Variants in POLR3B observed in about 807,000 individuals in gnomAD.
POLR3B encodes the protein RNA polymerase III subunit B, also known as DNA-directed RNA polymerase III subunit RPC2.
A neutral mutation model predicts 147.4 loss-of-function variants in POLR3B; 96 were observed. The ratio of observed to expected loss-of-function variants is 0.65; its 90% CI spans 0.55 to 0.77. The LOEUF is 0.77. Among genes scored for constraint, POLR3B ranks in the 30% least tolerant of loss-of-function variants. The pLI is 0.00. For synonymous variants in POLR3B, 461 were observed against 485.9 expected (o/e 0.95, Z 0.67); for missense variants, 1,036 against 1,413.5 (o/e 0.73, Z 4.28).
intron 2 of POLR3B, 32 bp downstream of exon 2, chr12:106,363,934 A>T: frequency 6.7e-7 from 1 of 1,495,624 alleles, no homozygotes; most frequent in Non-Finnish European, 9.3e-7. Flanking sequence ...ATAATTGGTT[A>T]TTTTTCAGAT....
intron 7 of POLR3B, 71 bp from the exon 8 acceptor site, chr12:106,378,196 A>G (rs1189002238): frequency 1.3e-5 from 12 of 920,434 alleles, no homozygotes; most frequent in Non-Finnish European, 2.2e-5. Flanking sequence ...GATTCACAAG[A>G]TTCCTGCCAT....
chr12:106,435,086 C>A (rs1231941460), intron 16 of POLR3B, among the ~76,000 whole-genome samples: 1 of 152,066 alleles, frequency 6.6e-6, no homozygotes, highest in African/African-American at 2.4e-5. Context: ...CTTTCTGAGG[C>A]TGAGCATTTC....
At chr12:106,370,776 C>T (rs59744557) in intron 6 of POLR3B, among the ~76,000 whole-genome samples, 159 of 151,822 alleles carry the variant, frequency 1.0e-3, no homozygotes, top group African/African-American at 3.5e-3. Context: ...GGATTATAGG[C>T]GTGTGCCACC....
intron 16 of POLR3B, among the ~76,000 whole-genome samples, chr12:106,434,594 A>G (rs1478534050): frequency 1.3e-5 from 2 of 151,898 alleles, no homozygotes; most frequent in Non-Finnish European, 2.9e-5. Context: ...CGAATGTGAC[A>G]TGGTGTCTGG....
rs377492248 is a variant in POLR3B, at chr12:106,509,587, C to A, written c.*38C>A. On this transcript the variant is annotated 3_prime_UTR_variant, in exon 28 of 28. Coordinates refer to ENST00000228347, the MANE Select transcript of POLR3B (RefSeq NM_018082.6). The stretch of plus-strand genomic sequence containing the variant: ...TGATTATTAAAGAGAACAAGTGATA[C>A]ATCCAATGCAACGGAAAGCAGAAGG... The A allele has an allele frequency of 8.3e-6, 13 of 1,574,232 alleles. No individual in the cohort carries two copies. The highest frequency in any genetic ancestry group is 1.1e-5 in the Non-Finnish European group (13 of 1,146,406).
At chr12:106,475,435 C>G (rs1409082058) in intron 23 of POLR3B, among the ~76,000 whole-genome samples, 1 of 102,794 alleles carries the variant, frequency 9.7e-6, no homozygotes, top group Non-Finnish European at 1.9e-5. Context: ...GACTTTCTGT[C>G]TCATTGATCT....
chr12:106,400,420 A>T (rs1274665900), intron 10 of POLR3B, among the ~76,000 whole-genome samples: 1 of 152,222 alleles, frequency 6.6e-6, no homozygotes, highest in Non-Finnish European at 1.5e-5. Context: ...CATTAGACAG[A>T]TCAACGAGAC....
At chr12:106,496,292 A>G in intron 24 of POLR3B, 134 bp downstream of exon 24, 1 of 723,472 alleles carries the variant, frequency 1.4e-6, no homozygotes, top group South Asian at 1.4e-5. Flanking sequence ...CCCTTGCCAG[A>G]TAAACAGGCT....
intron 9 of POLR3B, among the ~76,000 whole-genome samples, chr12:106,391,653 A>G (rs1479889658): frequency 6.6e-6 from 1 of 152,216 alleles, no homozygotes; most frequent in Non-Finnish European, 1.5e-5. Flanking sequence ...CATTTATGCA[A>G]ATGAGAAAAC....
At chr12:106,402,237 G>A (rs1362512818) in intron 10 of POLR3B, among the ~76,000 whole-genome samples, 1 of 151,914 alleles carries the variant, frequency 6.6e-6, no homozygotes, top group African/African-American at 2.4e-5. Context: ...AAAATACCTA[G>A]GAATCCAACT....
chr12:106,391,328 TCCTTCAAAGTCATCATACGTGCCA>T (rs1177767717), intron 9 of POLR3B, among the ~76,000 whole-genome samples: 2 of 152,168 alleles, frequency 1.3e-5, no homozygotes, highest in African/African-American at 4.8e-5. Flanking sequence ...TTATGACCAG[TCCTTCAAAGTCATCATACGTGCCA>T]CCTTCACATT....
intron 12 of POLR3B, among the ~76,000 whole-genome samples, chr12:106,418,481 A>G (rs1488995242): frequency 6.6e-6 from 1 of 152,192 alleles, no homozygotes; most frequent in Non-Finnish European, 1.5e-5. Flanking sequence ...AGAATTTGGC[A>G]CTCTGTAGGC....
In POLR3B at chr12:106,501,326, G is replaced by T; in HGVS notation, c.2988G>T (p.Glu996Asp). 2 of 1,594,078 alleles carry T rather than the reference G, an allele frequency of 1.3e-6. No homozygotes were observed. The highest frequency in any genetic ancestry group is 1.7e-6 in the Non-Finnish European group (2 of 1,161,724). The part of the protein sequence containing the change: ...KDYVTSGITG[E>D]PLEAYIYFGP... Reference sequence around the variant, plus strand: ...CAACAATTGATCTTTCTTTCAGTGAGCCCTTAGAAGCATACATCTATTTTG... The same window carrying T: ...CAACAATTGATCTTTCTTTCAGTGATCCCTTAGAAGCATACATCTATTTTG... The change falls in exon 26 of 28, where the codon GAG (glutamate) becomes GAT (aspartate). Residue 996 changes from glutamate (E) to aspartate (D), a missense_variant. Transcript: ENST00000228347.
intron 9 of POLR3B, among the ~76,000 whole-genome samples, chr12:106,392,322 C>A (rs1405640837): frequency 6.6e-6 from 1 of 152,166 alleles, no homozygotes; most frequent in Non-Finnish European, 1.5e-5. Flanking sequence ...GCCAACACAT[C>A]TGGCTAATTT....
chr12:106,358,002 G>C, intron 1 of POLR3B, 51 bp downstream of exon 1: 2 of 1,600,936 alleles, frequency 1.2e-6, no homozygotes, highest in Non-Finnish European at 1.7e-6. Context: ...CGCCCTGAGG[G>C]GGCGTTGCCC....
intron 13 of POLR3B, among the ~76,000 whole-genome samples, chr12:106,428,770 C>T (rs1228828144): frequency 6.6e-6 from 1 of 152,060 alleles, no homozygotes; most frequent in African/African-American, 2.4e-5. Flanking sequence ...TATATATGGT[C>T]GCTGTGTTTC....
intron 10 of POLR3B, among the ~76,000 whole-genome samples, chr12:106,405,396 G>A (rs1262308194): frequency 6.6e-6 from 1 of 152,006 alleles, no homozygotes; most frequent in Non-Finnish European, 1.5e-5. Flanking sequence ...ATTTATTTAG[G>A]TTTTGTTTTC....
chr12:106,413,487 G>A (rs1307776064), intron 12 of POLR3B, among the ~76,000 whole-genome samples: 1 of 152,096 alleles, frequency 6.6e-6, no homozygotes, highest in African/African-American at 2.4e-5. Flanking sequence ...TTATAGGATT[G>A]TTATGGGATT....
intron 23 of POLR3B, among the ~76,000 whole-genome samples, chr12:106,474,629 C>G (rs1218221026): frequency 6.8e-6 from 1 of 147,580 alleles, no homozygotes; most frequent in Non-Finnish European, 1.5e-5. Flanking sequence ...TCCATTTCTT[C>G]TAGATTTTCT....
Sources: gnomAD v4.1 joint callset for allele counts (sites outside exome capture counted in the v4.1 genomes callset) on GRCh38, gnomAD v4.1.1 for gene constraint, MANE v1.5 for transcripts, NCBI Gene and HGNC (gene_info 2026-07-23, HGNC 2026-07-21) for gene names.